SPOCK1: variants seen among roughly 807,000 people sequenced by gnomAD.
SPOCK1 encodes the protein testican-1.
SPOCK1 carries 23 observed loss-of-function variants against 55.3 expected under a neutral mutation model. That is an observed-to-expected ratio of 0.42 (90% CI 0.30 to 0.59). SPOCK1 has a LOEUF of 0.59. Ranked by LOEUF, SPOCK1 falls within the 20% of genes least tolerant of loss-of-function variation. The probability of loss-of-function intolerance (pLI) is 0.22; values close to 1 mark genes in which losing one functional copy is unlikely to be tolerated. For synonymous variants in SPOCK1, 226 were observed against 221.0 expected (o/e 1.02, Z -0.20); for missense variants, 499 against 552.5 (o/e 0.90, Z 0.97).
At chr5:137,249,786 A>G (rs1439723809) in intron 3 of SPOCK1, among the ~76,000 whole-genome samples, 1 of 152,254 alleles carries the variant, frequency 6.6e-6, no homozygotes, top group African/African-American at 2.4e-5. Flanking sequence ...TCCAGAGGAA[A>G]TTACAATTAG....
At chr5:137,061,942 G>A (rs1258028480) in intron 6 of SPOCK1, among the ~76,000 whole-genome samples, 2 of 152,154 alleles carry the variant, frequency 1.3e-5, no homozygotes, top group African/African-American at 4.8e-5. Context: ...GACTGTGACT[G>A]AGGATGTACC....
chr5:137,318,427 A>G (rs1202836133), intron 2 of SPOCK1, among the ~76,000 whole-genome samples: 1 of 152,180 alleles, frequency 6.6e-6, no homozygotes, highest in East Asian at 1.9e-4. Flanking sequence ...TCCTATTTCC[A>G]GGTAGCAGCA....
Position 137,186,815 on chromosome 5 carries a change from T to G in SPOCK1, c.233-46121A>C, listed in dbSNP as rs145130045. Among the ~76,000 whole-genome samples the G allele has an allele frequency of 3.8e-3, 585 of 152,198 alleles. 3 individuals are homozygous for G. The highest frequency in any genetic ancestry group is 0.013 in the African/African-American group (558 of 41,536). On this transcript the variant is annotated intron_variant, in intron 3 of 10. Coordinates refer to ENST00000394945, the MANE Select transcript of SPOCK1 (RefSeq NM_004598.4). Reference sequence around the variant, plus strand: ...GTCTTCACTGCCTCGCTTCCTCCCCTTGGCTTCCCTCCCTGTCACTCCACT... The same window carrying G: ...GTCTTCACTGCCTCGCTTCCTCCCCGTGGCTTCCCTCCCTGTCACTCCACT...
At chr5:137,390,951 A>C (rs1339954423) in intron 2 of SPOCK1, among the ~76,000 whole-genome samples, 1 of 152,206 alleles carries the variant, frequency 6.6e-6, no homozygotes, top group Non-Finnish European at 1.5e-5. Flanking sequence ...CAGGTTTGTT[A>C]CATAGGTATA....
intron 2 of SPOCK1, among the ~76,000 whole-genome samples, chr5:137,303,883 C>G (rs1757650061): frequency 6.6e-6 from 1 of 151,308 alleles, no homozygotes; most frequent in Non-Finnish European, 1.5e-5. Flanking sequence ...TACACACTCC[C>G]TTTTCCTGTG....
At chr5:137,134,519 C>T (rs1753944367) in intron 4 of SPOCK1, among the ~76,000 whole-genome samples, 2 of 151,602 alleles carry the variant, frequency 1.3e-5, no homozygotes, top group Middle Eastern at 3.2e-3. Flanking sequence ...ATGGAGAACC[C>T]CAAAGCAATG....
At chr5:137,345,611 T>C (rs1007777709) in intron 2 of SPOCK1, among the ~76,000 whole-genome samples, 4 of 152,216 alleles carry the variant, frequency 2.6e-5, no homozygotes, top group Non-Finnish European at 5.9e-5. Flanking sequence ...AGTGGCTCTT[T>C]AGCTCTGGCT....
At chr5:137,156,550 G>T (rs1337665504) in intron 3 of SPOCK1, among the ~76,000 whole-genome samples, 1 of 151,964 alleles carries the variant, frequency 6.6e-6, no homozygotes, top group Non-Finnish European at 1.5e-5. Context: ...CCTACTACAT[G>T]CAGAGAGTTT....
Position 137,019,708 on chromosome 5 carries a change from C to T in SPOCK1, c.590-27108G>A, listed in dbSNP as rs930842336. ...AGATATTTTGCAACAAACAGACCCT[C>T]ATTACAGGAATTTCCATTAAAATAT... On this transcript the variant is annotated intron_variant, in intron 6 of 10. Coordinates refer to ENST00000394945, the MANE Select transcript of SPOCK1 (RefSeq NM_004598.4). 2.6e-5 allele frequency among the ~76,000 whole-genome samples: 4 copies of T among 151,986 alleles called. No individual in the cohort carries two copies. In the East Asian group the frequency reaches 7.7e-4, roughly 29 times the overall value.
rs555761733 is a variant in SPOCK1, at chr5:137,209,432, A to G, written c.232+57578T>C. Among the ~76,000 whole-genome samples the G allele has an allele frequency of 7.9e-5, 12 of 152,326 alleles. No individual in the cohort carries two copies. In the South Asian group the frequency reaches 2.3e-3, roughly 29 times the overall value. On this transcript the variant is annotated intron_variant, in intron 3 of 10. Transcript: ENST00000394945. ...GGTAGTTTGATTTTGCTCTGATATG[A>G]CTCAAACTAATAGAAACACCGTAAA...
chr5:136,985,064 T>C (rs1315262349), intron 9 of SPOCK1, 76 bp downstream of exon 9: 1 of 1,389,418 alleles, frequency 7.2e-7, no homozygotes, highest in African/African-American at 1.4e-5. Context: ...TGAATAACCA[T>C]TGCCATGCTG....
At chr5:137,038,266 G>A (rs933873414) in intron 6 of SPOCK1, among the ~76,000 whole-genome samples, 1 of 152,192 alleles carries the variant, frequency 6.6e-6, no homozygotes, top group African/African-American at 2.4e-5. Flanking sequence ...GGGGAAACCA[G>A]ACCTCTGAGC....
At chr5:137,342,976 T>C (rs1239204624) in intron 2 of SPOCK1, among the ~76,000 whole-genome samples, 1 of 152,240 alleles carries the variant, frequency 6.6e-6, no homozygotes, top group Non-Finnish European at 1.5e-5. Context: ...TAATGACTAA[T>C]GCTAGATAAA....
intron 3 of SPOCK1, among the ~76,000 whole-genome samples, chr5:137,249,914 A>G (rs1756474916): frequency 6.6e-6 from 1 of 152,158 alleles, no homozygotes; most frequent in Non-Finnish European, 1.5e-5. Context: ...TATGTGCGGC[A>G]TAGTATAGCA....
At chr5:137,226,376 C>T (rs1373916949) in intron 3 of SPOCK1, among the ~76,000 whole-genome samples, 1 of 152,216 alleles carries the variant, frequency 6.6e-6, no homozygotes, top group Non-Finnish European at 1.5e-5. Flanking sequence ...GGCTTGATCT[C>T]CTTGCCCCGA....
chr5:137,435,199 C>T (rs1407123888), intron 2 of SPOCK1, among the ~76,000 whole-genome samples: 1 of 152,162 alleles, frequency 6.6e-6, no homozygotes, highest in Non-Finnish European at 1.5e-5. Flanking sequence ...AATTTTTAAA[C>T]TTTCATCAAT....
chr5:137,064,816 C>T (rs895601746), intron 6 of SPOCK1, among the ~76,000 whole-genome samples: 10 of 152,140 alleles, frequency 6.6e-5, no homozygotes, highest in African/African-American at 2.2e-4. Flanking sequence ...TCAATTTTGT[C>T]CAGGTAAAGC....
intron 3 of SPOCK1, among the ~76,000 whole-genome samples, chr5:137,226,031 A>T (rs1181724999): frequency 1.3e-5 from 2 of 152,194 alleles, no homozygotes; most frequent in East Asian, 3.9e-4. Flanking sequence ...GCCACAGCTC[A>T]ACAGGGACAT....
chr5:137,481,997 A>G (rs1753960920), intron 2 of SPOCK1, among the ~76,000 whole-genome samples: 1 of 152,232 alleles, frequency 6.6e-6, no homozygotes, highest in Non-Finnish European at 1.5e-5. Context: ...CTTTTCTCCC[A>G]TACTCCTACC....
Sources: gnomAD v4.1 joint callset for allele counts (sites outside exome capture counted in the v4.1 genomes callset) on GRCh38, gnomAD v4.1.1 for gene constraint, MANE v1.5 for transcripts, NCBI Gene and HGNC (gene_info 2026-07-23, HGNC 2026-07-21) for gene names.